The following PARD3B variants were observed in gnomAD, a reference collection of about 807,000 sequenced individuals.
PARD3B encodes the protein partitioning defective 3 homolog B.
A neutral mutation model predicts 130.2 loss-of-function variants in PARD3B; 103 were observed. The observed-to-expected ratio is 0.79, with a 90% CI of 0.67 to 0.93. PARD3B has a LOEUF of 0.93. Ranked by LOEUF, PARD3B falls within the 40% of genes least tolerant of loss-of-function variation. The pLI, the probability that PARD3B is intolerant of heterozygous loss-of-function variation, is 0.00. For missense variants in PARD3B, 1,609 were observed against 1,499.2 expected, an observed-to-expected ratio of 1.07 and a Z score of -1.21; for synonymous variants, 583 against 553.2, an observed-to-expected ratio of 1.05 and a Z score of -0.76.
At chr2:205,481,205 G>C (rs1364442469) in intron 20 of PARD3B, among the ~76,000 whole-genome samples, 1 of 152,100 alleles carries the variant, frequency 6.6e-6, no homozygotes. Flanking sequence ...TTAAAAGGAG[G>C]GGCAAGAATT....
At chr2:204,892,722 A>G (rs1345076806) in intron 2 of PARD3B, among the ~76,000 whole-genome samples, 2 of 152,158 alleles carry the variant, frequency 1.3e-5, no homozygotes, top group African/African-American at 4.8e-5. Flanking sequence ...AGGCAGCCTC[A>G]AAAAGATTCA....
intron 2 of PARD3B, among the ~76,000 whole-genome samples, chr2:204,753,593 A>G (rs1187966545): frequency 6.6e-6 from 1 of 152,158 alleles, no homozygotes; most frequent in Non-Finnish European, 1.5e-5. Flanking sequence ...CTGTGTAATC[A>G]GTAGCTATGT....
At chr2:204,779,274 T>C (rs1461497751) in intron 2 of PARD3B, among the ~76,000 whole-genome samples, 1 of 152,180 alleles carries the variant, frequency 6.6e-6, no homozygotes, top group Admixed American at 6.6e-5. Flanking sequence ...CGAACAGGGA[T>C]TATGTTCTAT....
chr2:205,546,550 CT>C (rs1235813772), intron 21 of PARD3B, among the ~76,000 whole-genome samples: 5 of 152,130 alleles, frequency 3.3e-5, no homozygotes, highest in African/African-American at 1.2e-4. Context: ...ATTTCTGAGC[CT>C]TGTTGAGCAC....
At chr2:204,875,274 T>G (rs1346962311) in intron 2 of PARD3B, among the ~76,000 whole-genome samples, 1 of 152,188 alleles carries the variant, frequency 6.6e-6, no homozygotes, top group Admixed American at 6.5e-5. Flanking sequence ...TATATAATTT[T>G]AACAGTCTTA....
chr2:205,614,098 G>T (rs1393631921), intron 22 of PARD3B, among the ~76,000 whole-genome samples: 1 of 152,164 alleles, frequency 6.6e-6, no homozygotes, highest in African/African-American at 2.4e-5. Flanking sequence ...TGCACAGAAG[G>T]TTTATGAGAT....
intron 11 of PARD3B, among the ~76,000 whole-genome samples, chr2:205,163,531 T>C (rs2034629338): frequency 6.6e-6 from 1 of 152,218 alleles, no homozygotes; most frequent in Admixed American, 6.5e-5. Context: ...CTGCACTGTT[T>C]AGTAATGGGC....
chr2:204,736,213 GATTA>G (rs2125351608), intron 2 of PARD3B, among the ~76,000 whole-genome samples: 1 of 151,516 alleles, frequency 6.6e-6, no homozygotes, highest in South Asian at 2.1e-4. Context: ...TTTAAATTTA[GATTA>G]ATTCAGAAAG....
chr2:204,732,507 C>CT (rs58373732), intron 2 of PARD3B, among the ~76,000 whole-genome samples: 94,754 of 144,566 alleles, frequency 0.66, 33,114 homozygotes, highest in Non-Finnish European at 0.78. Context: ...GTAAGGATAT[C>CT]TTTTTTTTTT....
intron 18 of PARD3B, among the ~76,000 whole-genome samples, chr2:205,311,481 T>C (rs976716593): frequency 1.3e-5 from 2 of 152,230 alleles, no homozygotes; most frequent in Non-Finnish European, 2.9e-5. Context: ...TAAGGAATGA[T>C]AGACATTACC....
chr2:205,088,537 C>T (rs1326013219), intron 4 of PARD3B, among the ~76,000 whole-genome samples: 2 of 152,142 alleles, frequency 1.3e-5, no homozygotes, highest in Non-Finnish European at 2.9e-5. Context: ...ACCATAGCCA[C>T]AGAATTCAGA....
At chr2:205,438,179 T>C (rs906973300) in intron 19 of PARD3B, among the ~76,000 whole-genome samples, 1 of 152,188 alleles carries the variant, frequency 6.6e-6, no homozygotes, top group African/African-American at 2.4e-5. Flanking sequence ...GAAACGGTTT[T>C]GTTTCAGAAA....
chr2:204,569,863 A>G (rs1162871097), intron 1 of PARD3B, among the ~76,000 whole-genome samples: 29 of 152,198 alleles, frequency 1.9e-4, no homozygotes, highest in Non-Finnish European at 1.5e-5. Context: ...ACATTGGGCC[A>G]CTTGTTGCTA....
chr2:204,827,300 C>A (rs898613038), intron 2 of PARD3B, among the ~76,000 whole-genome samples: 1 of 152,066 alleles, frequency 6.6e-6, no homozygotes, highest in East Asian at 1.9e-4. Flanking sequence ...GATAGAAATG[C>A]ATGAAATTAC....
Position 205,183,611 on chromosome 2 carries a change from C to T in PARD3B, c.1925-2153C>T, listed in dbSNP as rs907620803. Among the ~76,000 whole-genome samples the T allele has an allele frequency of 6.6e-6, 1 of 152,128 alleles. No homozygotes were observed. The highest frequency in any genetic ancestry group is 2.4e-5 in the African/African-American group (1 of 41,436). ...AGCAGGTCTGCTTCAAGCTTCATCC[C>T]CAGGGGCATGTCAGCTGTGCTACAA... On this transcript the variant is annotated intron_variant, in intron 13 of 22. Transcript: ENST00000406610. This position sits in a 1 kb window ranked among gnomAD's most constrained non-coding sequence, Gnocchi z 5.2.
intron 1 of PARD3B, among the ~76,000 whole-genome samples, chr2:204,685,645 G>T (rs1318792724): frequency 1.3e-5 from 2 of 152,196 alleles, no homozygotes; most frequent in African/African-American, 4.8e-5. Context: ...CCTGCTCTGT[G>T]CATCATTGCA....
rs577961179 is a variant in PARD3B, at chr2:205,353,652, A to G, written c.2631-47361A>G. Among the ~76,000 whole-genome samples, 11 of 152,326 alleles carry G rather than the reference A, an allele frequency of 7.2e-5. No individual in the cohort carries two copies. In the East Asian group the frequency reaches 1.9e-3, roughly 27 times the overall value. On this transcript the variant is annotated intron_variant, in intron 18 of 22. Coordinates refer to ENST00000406610, the MANE Select transcript of PARD3B (RefSeq NM_001302769.2). ...ATGACTGAAACCTTTTGTTTCATGG[A>G]TGACAAGACTGGGGCCTGGAGAAGT... is the stretch of plus-strand genomic sequence containing the variant.
At chr2:205,385,836 T>C (rs1467598869) in intron 18 of PARD3B, among the ~76,000 whole-genome samples, 3 of 152,114 alleles carry the variant, frequency 2.0e-5, no homozygotes, top group Non-Finnish European at 2.9e-5. Context: ...TATTTCAGTA[T>C]ACCAATACTT....
intron 19 of PARD3B, among the ~76,000 whole-genome samples, chr2:205,415,923 T>C (rs2046759728): frequency 6.6e-6 from 1 of 152,148 alleles, no homozygotes; most frequent in South Asian, 2.1e-4. Flanking sequence ...ATGTAGTATG[T>C]TTTTACAACT....
Sources: gnomAD v4.1 joint callset for allele counts (sites outside exome capture counted in the v4.1 genomes callset) on GRCh38, gnomAD v4.1.1 for gene constraint, Gnocchi (gnomAD v3.1) non-coding constraint, MANE v1.5 for transcripts, NCBI Gene and HGNC (gene_info 2026-07-23, HGNC 2026-07-21) for gene names.